Variants in RPS6KA1 observed in about 807,000 individuals in gnomAD.
RPS6KA1 encodes the protein ribosomal protein S6 kinase A1.
A neutral mutation model predicts 91.3 loss-of-function variants in RPS6KA1; 48 were observed. That is an observed-to-expected ratio of 0.53 (90% CI 0.42 to 0.67). The LOEUF (loss-of-function observed/expected upper bound fraction) is 0.67. RPS6KA1 is among the 30% of genes least tolerant of loss of function. The pLI, the probability that RPS6KA1 is intolerant of heterozygous loss-of-function variation, is 0.00. For missense variants in RPS6KA1, 719 were observed against 960.5 expected, an observed-to-expected ratio of 0.75 and a Z score of 3.32; for synonymous variants, 359 against 384.7, an observed-to-expected ratio of 0.93 and a Z score of 0.78.
intron 17 of RPS6KA1, among the ~76,000 whole-genome samples, chr1:26,568,835 A>G (rs980659780): frequency 6.6e-6 from 1 of 152,198 alleles, no homozygotes; most frequent in Non-Finnish European, 1.5e-5. Context: ...TAAACTGGAA[A>G]GACTATGGAA....
At position 26,555,775 on chromosome 1, in the gene RPS6KA1, A is replaced by G. The variant is rs992030745; in HGVS notation, c.916+150A>G. On this transcript the variant is annotated intron_variant, in intron 11 of 21. Coordinates refer to ENST00000374168, the MANE Select transcript of RPS6KA1 (RefSeq NM_002953.4). This position sits in a 1 kb window ranked among gnomAD's most constrained non-coding sequence, Gnocchi z 4.3. ...GCGGGCCACCCTGCTTTCTGGCTCC[A>G]TGTGTGGTGTTGTGGAGGGGGGAGT... 4 of 770,504 alleles carry G rather than the reference A, an allele frequency of 5.2e-6. No individual in the cohort carries two copies. Among genetic ancestry groups the G allele is most frequent in the East Asian group, 5.4e-5 (2 of 37,306 alleles). The allele number at this position is 770,504 out of a possible 1,614,324, so 47.7% of individuals were successfully genotyped here.
Position 26,574,344 on chromosome 1 carries a change from T to C in RPS6KA1, c.*143T>C. 1.0e-6 allele frequency: 1 copy of C among 987,522 alleles called. No homozygotes were observed. The highest frequency in any genetic ancestry group is 1.3e-5 in the South Asian group (1 of 77,166). The allele number at this position is 987,522 out of a possible 1,614,324, so 61.2% of individuals were successfully genotyped here. On this transcript the variant is annotated 3_prime_UTR_variant, in exon 22 of 22. Transcript: ENST00000374168. This position sits in a 1 kb window ranked among gnomAD's most constrained non-coding sequence, Gnocchi z 4.3. ...AGCTGCCAGCCCAGAACACCCCTAA[T>C]GAGGGTGTGAGAAGTGCCTTCTCCT... is the stretch of plus-strand genomic sequence containing the variant.
At chr1:26,530,857 G>A (rs1440818338) in intron 1 of RPS6KA1, 2 of 1,285,510 alleles carry the variant, frequency 1.6e-6, no homozygotes, top group Non-Finnish European at 2.0e-6. Context: ...CCCTGAATGA[G>A]CTGGTGGAAA....
rs2076157246 is a variant in RPS6KA1 at position 26,561,909 on chromosome 1, A to G, written c.1590+246A>G. On this transcript the variant is annotated intron_variant, in intron 17 of 21. Coordinates refer to ENST00000374168, the MANE Select transcript of RPS6KA1 (RefSeq NM_002953.4). This position sits in a 1 kb window ranked among gnomAD's most constrained non-coding sequence, Gnocchi z 5.7. Reference sequence around the variant, plus strand: ...GCACCATGGTAAGGTTTAGCATAAGATGAAGTTTCCAGACCAGGCATGGTA... The same window carrying G: ...GCACCATGGTAAGGTTTAGCATAAGGTGAAGTTTCCAGACCAGGCATGGTA... Among the ~76,000 whole-genome samples, 1 of 152,156 alleles carries G rather than the reference A, an allele frequency of 6.6e-6. No individual in the cohort carries two copies. Among genetic ancestry groups the G allele is most frequent in the Admixed American group, 6.5e-5 (1 of 15,268 alleles).
intron 4 of RPS6KA1, among the ~76,000 whole-genome samples, chr1:26,550,403 C>T (rs887391566): frequency 6.6e-6 from 1 of 151,014 alleles, no homozygotes; most frequent in Non-Finnish European, 1.5e-5. Flanking sequence ...AGGATGGTCT[C>T]GATCTCCTGA....
chr1:26,550,531 C>G (rs987348467), intron 4 of RPS6KA1, among the ~76,000 whole-genome samples: 2 of 151,768 alleles, frequency 1.3e-5, no homozygotes, highest in African/African-American at 4.8e-5. Flanking sequence ...GTTGGCCAGG[C>G]TAGTCTCGAA....
chr1:26,533,896 C>T (rs1364759983), intron 1 of RPS6KA1, among the ~76,000 whole-genome samples: 1 of 152,086 alleles, frequency 6.6e-6, no homozygotes, highest in Non-Finnish European at 1.5e-5. Context: ...AGTGGGAAGC[C>T]AGCACCCCAC....
Position 26,551,735 on chromosome 1 carries a change from TC to T in RPS6KA1, c.468+13del. ...GGCTCTCAAAAGAGGTGAGCTGACA[TC>T]TACTGCCAGAGGGCCCCGGGATGGA... On this transcript the variant is annotated intron_variant, in intron 6 of 21. Coordinates refer to ENST00000374168, the MANE Select transcript of RPS6KA1 (RefSeq NM_002953.4). The surrounding 1 kb of genome is among the most constrained non-coding windows in gnomAD (Gnocchi z 4.5). 6.2e-7 allele frequency: 1 copy of T among 1,611,296 alleles called. No homozygotes were observed. The highest frequency in any genetic ancestry group is 2.2e-5 in the East Asian group (1 of 44,850).
intron 1 of RPS6KA1, 87 bp downstream of exon 1, chr1:26,530,070 T>G (rs1002954330): frequency 1.1e-4 from 105 of 967,158 alleles, no homozygotes; most frequent in Admixed American, 6.3e-4. Flanking sequence ...GCCGCTGCAG[T>G]CCGGCGGGCG....
At position 26,554,757 on chromosome 1, in the gene RPS6KA1, G is replaced by T. The variant is rs200236851; in HGVS notation, c.756+19G>T. On this transcript the variant is annotated intron_variant, in intron 9 of 21. Coordinates refer to ENST00000374168, the MANE Select transcript of RPS6KA1 (RefSeq NM_002953.4). The surrounding 1 kb of genome is among the most constrained non-coding windows in gnomAD (Gnocchi z 4.6). Reference sequence around the variant, plus strand: ...GTTGATGGTGAGTGCCCAGACAGGGGTAAAGGATCCAGCCCAAGCCTCTGG... The same window carrying T: ...GTTGATGGTGAGTGCCCAGACAGGGTTAAAGGATCCAGCCCAAGCCTCTGG... 37 of 1,586,820 alleles carry T rather than the reference G, an allele frequency of 2.3e-5. No individual in the cohort carries two copies. In the African/African-American group the frequency reaches 4.4e-4, roughly 19 times the overall value.
In RPS6KA1 at chr1:26,571,881, C is replaced by T. The variant is rs552205045; in HGVS notation, c.1785C>T (p.Cys595=). 199 of 1,611,224 alleles carry T rather than the reference C, an allele frequency of 1.2e-4. No individual in the cohort carries two copies. Among genetic ancestry groups the T allele is most frequent in the South Asian group, 2.7e-4 (25 of 91,074 alleles). Residue 595 remains cysteine, a synonymous_variant, in exon 19 of 22, where the codon TGC becomes TGT. Transcript: ENST00000374168. This position sits in a 1 kb window ranked among gnomAD's most constrained non-coding sequence, Gnocchi z 5.1. Reference sequence around the variant, plus strand: ...AGCGCCAGGGCTACGATGAAGGCTGCGACATCTGGAGCCTGGGCATTCTGC... The same window carrying T: ...AGCGCCAGGGCTACGATGAAGGCTGTGACATCTGGAGCCTGGGCATTCTGC... ...VLKRQGYDEG[C]DIWSLGILLY...
rs2075856414 is a variant in RPS6KA1, at chr1:26,530,003, G to A, written c.63+20G>A. The A allele has an allele frequency of 3.7e-6, 5 of 1,335,362 alleles. No homozygotes were observed. Among genetic ancestry groups the A allele is most frequent in the African/African-American group, 3.1e-5 (2 of 65,050 alleles). 82.7% of individuals were successfully genotyped at this position (1,335,362 alleles called of 1,614,324 possible). ...CCGGAGGTGAGTGAGCGGGGCGGGG[G>A]ACGGGCGCCCGCGGCCGGCGAGCCC... On this transcript the variant is annotated intron_variant, in intron 1 of 21. Coordinates refer to ENST00000374168, the MANE Select transcript of RPS6KA1 (RefSeq NM_002953.4).
In RPS6KA1 at chr1:26,558,683, C is replaced by G; in HGVS notation, c.1085-124C>G. The G allele has an allele frequency of 8.7e-7, 1 of 1,146,650 alleles. No individual in the cohort carries two copies. Among genetic ancestry groups the G allele is most frequent in the South Asian group, 1.5e-5 (1 of 67,152 alleles). The allele number at this position is 1,146,650 out of a possible 1,614,324, so 71.0% of individuals were successfully genotyped here. On this transcript the variant is annotated intron_variant, in intron 13 of 21. Transcript: ENST00000374168. This position sits in a 1 kb window ranked among gnomAD's most constrained non-coding sequence, Gnocchi z 4.0. ...AGGCCTGTGATGGACAGGCCCTCTGCAGGCTCCCGCCACGGCCAGCCCCTG... is the reference window on the plus strand; with the variant it reads ...AGGCCTGTGATGGACAGGCCCTCTGGAGGCTCCCGCCACGGCCAGCCCCTG...
chr1:26,571,817 C>A lies in RPS6KA1; in HGVS notation c.1753-32C>A, dbSNP rs367623668. ...CTGTGGCGACTTTCTACTGCCCCCC[C>A]AGACTGACCACCTCCCCTGCCCTGT... On this transcript the variant is annotated intron_variant, in intron 18 of 21. Coordinates refer to ENST00000374168, the MANE Select transcript of RPS6KA1 (RefSeq NM_002953.4). This position sits in a 1 kb window ranked among gnomAD's most constrained non-coding sequence, Gnocchi z 5.1. 30 of 1,599,254 alleles carry A rather than the reference C, an allele frequency of 1.9e-5. No homozygotes were observed. Among genetic ancestry groups the A allele is most frequent in the East Asian group, 1.1e-4 (5 of 44,620 alleles).
rs2076045587 is a variant in RPS6KA1 at position 26,551,079 on chromosome 1, G to A, written c.308-318G>A. Among the ~76,000 whole-genome samples, 1 of 152,170 alleles carries A rather than the reference G, an allele frequency of 6.6e-6. No individual in the cohort carries two copies. Among genetic ancestry groups the A allele is most frequent in the Non-Finnish European group, 1.5e-5 (1 of 68,028 alleles). On this transcript the variant is annotated intron_variant, in intron 4 of 21. Coordinates refer to ENST00000374168, the MANE Select transcript of RPS6KA1 (RefSeq NM_002953.4). The surrounding 1 kb of genome is among the most constrained non-coding windows in gnomAD (Gnocchi z 4.5). ...TCTGACAAAGCAGAGAACCCTGGGG[G>A]AGCAGGTTGCTCAGACTGGCTGATT... is the stretch of plus-strand genomic sequence containing the variant.
intron 4 of RPS6KA1, among the ~76,000 whole-genome samples, chr1:26,550,863 A>T (rs1021481142): frequency 6.6e-6 from 1 of 152,158 alleles, no homozygotes; most frequent in Non-Finnish European, 1.5e-5. Context: ...TGTATTATTT[A>T]AAAAAATAAA....
intron 4 of RPS6KA1, among the ~76,000 whole-genome samples, chr1:26,548,275 CAG>C (rs1482911767): frequency 6.6e-6 from 1 of 151,962 alleles, no homozygotes; most frequent in African/African-American, 2.4e-5. Flanking sequence ...GCATACCCGA[CAG>C]TGTGGTGCAG....
intron 6 of RPS6KA1, 132 bp from the exon 7 acceptor site, chr1:26,553,259 G>A (rs911126629): frequency 8.1e-6 from 5 of 614,252 alleles, no homozygotes; most frequent in South Asian, 3.8e-5. Flanking sequence ...ATGATGAGAA[G>A]GCTATATGGC....
chr1:26,555,995 C>G lies in RPS6KA1; in HGVS notation c.916+370C>G. 3.2e-6 allele frequency: 1 copy of G among 311,546 alleles called. No individual in the cohort carries two copies. Among genetic ancestry groups the G allele is most frequent in the East Asian group, 6.6e-5 (1 of 15,210 alleles). The allele number at this position is 311,546 out of a possible 1,614,324, so 19.3% of individuals were successfully genotyped here. Reference sequence around the variant, plus strand: ...CACTGCCTGGCACAAAACAGTCCCTCTATAAATATTTGTTAAACGAATGAG... The same window carrying G: ...CACTGCCTGGCACAAAACAGTCCCTGTATAAATATTTGTTAAACGAATGAG... On this transcript the variant is annotated intron_variant, in intron 11 of 21. Coordinates refer to ENST00000374168, the MANE Select transcript of RPS6KA1 (RefSeq NM_002953.4). This position sits in a 1 kb window ranked among gnomAD's most constrained non-coding sequence, Gnocchi z 4.3.
Sources: allele counts gnomAD v4.1 joint callset (sites outside exome capture counted in the v4.1 genomes callset), GRCh38; gene constraint gnomAD v4.1.1; non-coding constraint Gnocchi (gnomAD v3.1); transcripts MANE v1.5; gene names NCBI Gene and HGNC (gene_info 2026-07-23, HGNC 2026-07-21).